Variants in GRM7 observed in about 807,000 individuals in gnomAD.
GRM7 encodes glutamate metabotropic receptor 7.
GRM7 carries 35 observed loss-of-function variants against 84.5 expected under a neutral mutation model. That is an observed-to-expected ratio of 0.41 (90% CI 0.32 to 0.55). The LOEUF (loss-of-function observed/expected upper bound fraction) is 0.55. Ranked by LOEUF, GRM7 falls within the 20% of genes least tolerant of loss-of-function variation. The pLI, the probability that GRM7 is intolerant of heterozygous loss-of-function variation, is 0.19. For synonymous variants in GRM7, 487 were observed against 455.1 expected (o/e 1.07, Z -0.89); for missense variants, 1,003 against 1,194.6 (o/e 0.84, Z 2.36).
chr3:7,730,299 C>T (rs547348878), intron 9 of GRM7, among the ~76,000 whole-genome samples: 111 of 152,276 alleles, frequency 7.3e-4, no homozygotes, highest in Non-Finnish European at 1.4e-3. Context: ...AGCCACTGCA[C>T]CTGGCCTGTT....
chr3:7,352,035 C>T (rs1693170929), intron 4 of GRM7, among the ~76,000 whole-genome samples: 1 of 138,116 alleles, frequency 7.2e-6, no homozygotes, highest in Admixed American at 7.8e-5. Flanking sequence ...CATTCTCTCT[C>T]TCTCTCACAC....
chr3:6,965,277 G>T, intron 1 of GRM7, among the ~76,000 whole-genome samples: 1 of 151,972 alleles, frequency 6.6e-6, no homozygotes, highest in East Asian at 1.9e-4. Flanking sequence ...GCTTAACAAT[G>T]TTACCTTCTC....
intron 2 of GRM7, among the ~76,000 whole-genome samples, chr3:7,189,617 A>G (rs1695639651): frequency 1.3e-5 from 2 of 152,172 alleles, no homozygotes; most frequent in Admixed American, 6.5e-5. Flanking sequence ...GAGAGACCCA[A>G]AGTAAGGTGA....
intron 7 of GRM7, among the ~76,000 whole-genome samples, chr3:7,511,947 G>A (rs1396639630): frequency 6.6e-6 from 1 of 152,048 alleles, no homozygotes; most frequent in African/African-American, 2.4e-5. Context: ...TTTGAGAGAA[G>A]CCTGGGCCAC....
chr3:7,296,082 T>C (rs981959535), intron 2 of GRM7, among the ~76,000 whole-genome samples: 3 of 151,952 alleles, frequency 2.0e-5, no homozygotes, highest in African/African-American at 7.2e-5. Context: ...AGTATTGTTA[T>C]CATAAATATA....
intron 1 of GRM7, among the ~76,000 whole-genome samples, chr3:7,108,958 AT>A (rs1383369800): frequency 1.3e-5 from 2 of 151,986 alleles, no homozygotes; most frequent in East Asian, 1.9e-4. Flanking sequence ...TTCAAAATTT[AT>A]TTTTTCCCAG....
rs147575083 is a variant in GRM7 at position 7,423,885 on chromosome 3, A to G, written c.1174+8722A>G. ...GGAGGCTGCTAATTTTTTCATTCTC[A>G]TCTTTAAATAGTATTTATTGTTTAC... On this transcript the variant is annotated intron_variant, in intron 5 of 9. Transcript: ENST00000357716. 4.6e-3 allele frequency among the ~76,000 whole-genome samples: 702 copies of G among 152,210 alleles called. 9 individuals carry two copies. Among genetic ancestry groups the G allele is most frequent in the African/African-American group, 0.016 (674 of 41,534 alleles).
At chr3:7,535,572 T>C (rs1701210213) in intron 7 of GRM7, among the ~76,000 whole-genome samples, 1 of 152,224 alleles carries the variant, frequency 6.6e-6, no homozygotes, top group African/African-American at 2.4e-5. Context: ...TTCCAATTAC[T>C]GCCTTTGCAG....
intron 1 of GRM7, among the ~76,000 whole-genome samples, chr3:7,004,897 C>T (rs910382818): frequency 1.3e-5 from 2 of 152,176 alleles, no homozygotes; most frequent in Admixed American, 6.6e-5. Context: ...CCACAGACAA[C>T]AGGCAGGCAA....
At chr3:6,897,697 T>C (rs1412001511) in intron 1 of GRM7, among the ~76,000 whole-genome samples, 1 of 152,320 alleles carries the variant, frequency 6.6e-6, no homozygotes, top group Non-Finnish European at 1.5e-5. Flanking sequence ...AATAATGTGG[T>C]TTGTAAAATT....
chr3:7,611,740 T>A (rs555449055), intron 8 of GRM7, among the ~76,000 whole-genome samples: 8 of 152,222 alleles, frequency 5.3e-5, no homozygotes, highest in African/African-American at 1.7e-4. Context: ...CACCCAGACC[T>A]ACCAGATCAG....
intron 1 of GRM7, among the ~76,000 whole-genome samples, chr3:6,904,684 G>A (rs561091203): frequency 1.3e-5 from 2 of 151,754 alleles, no homozygotes; most frequent in African/African-American, 4.8e-5. Flanking sequence ...CTCACAACAG[G>A]ACCACAATGT....
At chr3:7,546,143 A>G (rs973012859) in intron 7 of GRM7, among the ~76,000 whole-genome samples, 2 of 152,168 alleles carry the variant, frequency 1.3e-5, no homozygotes, top group African/African-American at 4.8e-5. Context: ...AATTCAGAAA[A>G]CGGTAAAATG....
intron 2 of GRM7, among the ~76,000 whole-genome samples, chr3:7,289,766 A>AG (rs1162609328): frequency 6.6e-6 from 1 of 150,968 alleles, no homozygotes; most frequent in East Asian, 2.0e-4. Context: ...GGACAAAAAA[A>AG]CAAACACCAC....
chr3:7,352,782 T>C (rs1371227172), intron 4 of GRM7, among the ~76,000 whole-genome samples: 6 of 152,008 alleles, frequency 3.9e-5, no homozygotes, highest in African/African-American at 7.2e-5. Context: ...ACCCATATGA[T>C]ATCAGTCTTT....
chr3:7,288,776 G>A (rs990291886), intron 2 of GRM7, among the ~76,000 whole-genome samples: 2 of 152,056 alleles, frequency 1.3e-5, no homozygotes, highest in Admixed American at 1.3e-4. Flanking sequence ...GTATAGTACT[G>A]TAAGAAATGT....
chr3:7,119,282 C>G (rs1363175062), intron 1 of GRM7, among the ~76,000 whole-genome samples: 4 of 150,524 alleles, frequency 2.7e-5, no homozygotes, highest in African/African-American at 9.8e-5. Context: ...TTTCTTTTTA[C>G]CTCCCTGGGC....
intron 1 of GRM7, among the ~76,000 whole-genome samples, chr3:6,864,744 G>A (rs554905628): frequency 1.3e-5 from 2 of 152,162 alleles, no homozygotes; most frequent in Admixed American, 6.5e-5. Context: ...TTAAATGGGG[G>A]GTGCTGAGCA....
At chr3:6,866,352 T>C (rs1319107636) in intron 1 of GRM7, among the ~76,000 whole-genome samples, 2 of 152,074 alleles carry the variant, frequency 1.3e-5, no homozygotes, top group Admixed American at 1.3e-4. Context: ...TTTTTTTTTT[T>C]CTTTAAAAAT....
Sources: gnomAD v4.1 joint callset for allele counts (sites outside exome capture counted in the v4.1 genomes callset) on GRCh38, gnomAD v4.1.1 for gene constraint, MANE v1.5 for transcripts, NCBI Gene and HGNC (gene_info 2026-07-23, HGNC 2026-07-21) for gene names.